PRSS36: variants seen among roughly 807,000 people sequenced by gnomAD.
PRSS36 encodes the protein serine protease 36.
In PRSS36, 90 loss-of-function variants were observed where a neutral mutation model predicts 94.3. The observed-to-expected ratio is 0.95, with a 90% confidence interval of 0.80 to 1.14. PRSS36 has a LOEUF of 1.14. PRSS36 is among the 50% of genes most tolerant of loss of function. PRSS36 has a pLI of 0.00. For missense variants in PRSS36, 1,158 were observed against 1,135.0 expected (o/e 1.02, Z -0.29); for synonymous variants, 500 against 489.6 (o/e 1.02, Z -0.28).
chr16:31,145,768 G>T lies in PRSS36; in HGVS notation c.720+21C>A, dbSNP rs747797547. 3.1e-6 allele frequency: 5 copies of T among 1,606,228 alleles called. No individual in the cohort carries two copies. In the African/African-American group the frequency reaches 6.7e-5, roughly 21 times the overall value. The stretch of plus-strand genomic sequence containing the variant: ...GTTAGGACTCTGGCCCTGCCAGGCA[G>T]GTGCCGGGGCCTTCCCTCACCTGGC... On this transcript the variant is annotated intron_variant, in intron 6 of 14. Coordinates refer to ENST00000268281, the MANE Select transcript of PRSS36 (RefSeq NM_173502.5).
chr16:31,145,391 A>AG lies in PRSS36; in HGVS notation c.720+397_720+398insC, dbSNP rs1260222942. Among the ~76,000 whole-genome samples the AG allele has an allele frequency of 6.9e-3, 1,036 of 150,060 alleles. 22 individuals are homozygous for AG. Among genetic ancestry groups the AG allele is most frequent in the African/African-American group, 0.024 (977 of 40,756 alleles). On this transcript the variant is annotated intron_variant, in intron 6 of 14. Coordinates refer to ENST00000268281, the MANE Select transcript of PRSS36 (RefSeq NM_173502.5). The stretch of plus-strand genomic sequence containing the variant: ...CCGTCTCAAAAAAAAAAAAAAAAAA[A>AG]AAGGAACTCCGTCTCAAAAAATAAA...
chr16:31,139,362 C>T lies in PRSS36; in HGVS notation c.2344G>A (p.Val782Met), dbSNP rs143567197. 88 of 1,614,124 alleles carry T rather than the reference C, an allele frequency of 5.5e-5. No homozygotes were observed. The highest frequency in any genetic ancestry group is 6.9e-5 in the Non-Finnish European group (82 of 1,180,010). The change falls in exon 15 of 15, where the codon GTG (valine) becomes ATG (methionine). Residue 782 changes from valine (V) to methionine (M), a missense_variant. Physicochemically the swap from Val to Met is conservative, Grantham distance 21. Coordinates refer to ENST00000268281, the MANE Select transcript of PRSS36 (RefSeq NM_173502.5). ...CQMTEGSWILVGMAVQGSREL... is the reference protein window; with the variant it reads ...CQMTEGSWILMGMAVQGSREL... ...CGGCTCCCTTGAACAGCCATGCCCA[C>T]GAGGATCCAGGACCCTTCCGTCATC...
chr16:31,140,944 A>G (rs1397109538), intron 12 of PRSS36, among the ~76,000 whole-genome samples, 187 bp from the exon 13 acceptor site: 1 of 152,068 alleles, frequency 6.6e-6, no homozygotes, highest in African/African-American at 2.4e-5. Context: ...GCCCCACCCC[A>G]GACAGAGTCT....
At chr16:31,149,953 GCCAGGA>G in intron 1 of PRSS36, 40 bp downstream of exon 1, 1 of 1,605,876 alleles carries the variant, frequency 6.2e-7, no homozygotes, top group East Asian at 2.2e-5. Context: ...CCCCCCAGAT[GCCAGGA>G]CCCAGGCCCT....
At position 31,142,563 on chromosome 16, in the gene PRSS36, C is replaced by T. The variant is rs960212716; in HGVS notation, c.1439G>A (p.Gly480Glu). The change falls in exon 10 of 15, where the codon GGG (glycine) becomes GAG (glutamate). Residue 480 changes from glycine (G) to glutamate (E), a missense_variant. Transcript: ENST00000268281. ...WWCHCLYGRQ[G>E]AAVPLPGDPP... is the part of the protein sequence containing the mutation. ...GTCTCCGGGCAGCGGTACTGCCGCC[C>T]CCTGGCGGCCGTACAGGCAGTGGCA... 5 of 1,526,296 alleles carry T rather than the reference C, an allele frequency of 3.3e-6. No homozygotes were observed. In the Admixed American group the frequency reaches 8.0e-5, roughly 24 times the overall value. The allele number at this position is 1,526,296 out of a possible 1,614,324, so 94.5% of individuals were successfully genotyped here.
chr16:31,141,772 A>G lies in PRSS36; in HGVS notation c.1710T>C (p.Asp570=). The change falls in exon 11 of 15, where the codon GAT becomes GAC. Residue 570 remains aspartate (D), a synonymous_variant. Transcript: ENST00000268281. ...EDQLAWDWGP[D]GEETETQTCP... ...AAGTCTGTGTCTCAGTCTCCTCCCC[A>G]TCAGGGCCCCAATCCCAGGCTAGCT... 6.2e-7 allele frequency: 1 copy of G among 1,614,076 alleles called. No homozygotes were observed. Among genetic ancestry groups the G allele is most frequent in the Non-Finnish European group, 8.5e-7 (1 of 1,179,994 alleles).
chr16:31,139,438 A>G, intron 14 of PRSS36, 22 bp from the exon 15 acceptor site: 1 of 1,603,342 alleles, frequency 6.2e-7, no homozygotes, highest in Non-Finnish European at 8.5e-7. Flanking sequence ...GAGCGAGGCC[A>G]CGTGGGTCTG....
Position 31,141,459 on chromosome 16 carries a change from T to C in PRSS36, c.1901+10A>G. ...TCCCGTCTCTCGCCTAGGAGACGAG[T>C]GAGACCCACCTGAGGACACAGTGAG... On this transcript the variant is annotated intron_variant, in intron 12 of 14. Transcript: ENST00000268281. The C allele has an allele frequency of 6.2e-7, 1 of 1,600,230 alleles. No individual in the cohort carries two copies. The highest frequency in any genetic ancestry group is 1.1e-5 in the South Asian group (1 of 90,520).
chr16:31,142,364 C>T, intron 10 of PRSS36, 117 bp downstream of exon 10: 1 of 1,211,832 alleles, frequency 8.3e-7, no homozygotes, highest in South Asian at 1.8e-5. Flanking sequence ...TCGGACCCGC[C>T]TTCCGCAGGC....
rs1406607861 is a variant in PRSS36, at chr16:31,149,479, T to G, written c.93A>C (p.Glu31Asp). The change falls in exon 3 of 15, where the codon GAA becomes GAC. Residue 31 changes from glutamate to aspartate, a missense_variant. Coordinates refer to ENST00000268281, the MANE Select transcript of PRSS36 (RefSeq NM_173502.5). ...FQDSALSPTQ[E>D]EPEDLDCGRP... ...CTTCCTTACCCAGATCTTCAGGTTC[T>G]TCCTGGGTAGGACTGAGAGCTGGGA... is the stretch of plus-strand genomic sequence containing the variant. 8.7e-6 allele frequency: 14 copies of G among 1,614,166 alleles called. No individual in the cohort carries two copies. Among genetic ancestry groups the G allele is most frequent in the Non-Finnish European group, 1.2e-5 (14 of 1,180,026 alleles).
At chr16:31,146,764 G>A (rs1023588387) in intron 5 of PRSS36, among the ~76,000 whole-genome samples, 1 of 152,150 alleles carries the variant, frequency 6.6e-6, no homozygotes, top group African/African-American at 2.4e-5. Flanking sequence ...TGGATCACCT[G>A]AGGTTAGGAG....
At position 31,142,560 on chromosome 16, in the gene PRSS36, GC is replaced by G; in HGVS notation, c.1441del (p.Ala481ArgfsTer73). The G allele has an allele frequency of 3.3e-6, 5 of 1,525,532 alleles. No homozygotes were observed. Among genetic ancestry groups the G allele is most frequent in the African/African-American group, 1.4e-5 (1 of 71,976 alleles). 94.5% of individuals were successfully genotyped at this position (1,525,532 alleles called of 1,614,324 possible). On this transcript the variant is annotated frameshift_variant, in exon 10 of 15. Transcript: ENST00000268281. LOFTEE classifies it high-confidence loss of function. Reference sequence around the variant, plus strand: ...CGGGTCTCCGGGCAGCGGTACTGCCGCCCCCTGGCGGCCGTACAGGCAGTGG... The same window carrying G: ...CGGGTCTCCGGGCAGCGGTACTGCCGCCCCTGGCGGCCGTACAGGCAGTGG... ...WCHCLYGRQG[A>X]AVPLPGDPPH...
chr16:31,139,559 G>A, intron 14 of PRSS36, 143 bp from the exon 15 acceptor site: 1 of 981,132 alleles, frequency 1.0e-6, no homozygotes, highest in Admixed American at 2.8e-5. Context: ...GTCCAGCTAG[G>A]GTCCCATTTG....
chr16:31,144,848 G>A (rs2057772680), intron 6 of PRSS36, among the ~76,000 whole-genome samples: 1 of 152,184 alleles, frequency 6.6e-6, no homozygotes, highest in African/African-American at 2.4e-5. Context: ...AGAACTTTGG[G>A]AGGCCGAGGC....
In PRSS36 at chr16:31,141,957, C is replaced by A; in HGVS notation, c.1525G>T (p.Asp509Tyr). Residue 509 changes from aspartate (D) to tyrosine (Y), a missense_variant, in exon 11 of 15, where the codon GAC becomes TAC. Coordinates refer to ENST00000268281, the MANE Select transcript of PRSS36 (RefSeq NM_173502.5). Reference sequence around the variant, plus strand: ...TGGCACAAAAGGCTCCAACGCGAGTCATTCTGCAGCAACAAAGTGTGTGTG... The same window carrying A: ...TGGCACAAAAGGCTCCAACGCGAGTAATTCTGCAGCAACAAAGTGTGTGTG... Reference protein sequence around the residue: ...EKEEVGSCWNDSRWSLLCQEE... With the variant: ...EKEEVGSCWNYSRWSLLCQEE... 1 of 1,613,920 alleles carries A rather than the reference C, an allele frequency of 6.2e-7. No homozygotes were observed. The highest frequency in any genetic ancestry group is 1.1e-5 in the South Asian group (1 of 91,054).
intron 10 of PRSS36, among the ~76,000 whole-genome samples, chr16:31,142,180 G>C (rs1267397583): frequency 6.6e-6 from 1 of 152,150 alleles, no homozygotes; most frequent in Admixed American, 6.5e-5. Context: ...CACCAGCTCA[G>C]AGCCCGCCTC....
chr16:31,141,169 G>A (rs1232293332), intron 12 of PRSS36, among the ~76,000 whole-genome samples: 9 of 152,026 alleles, frequency 5.9e-5, no homozygotes, highest in Admixed American at 4.6e-4. Context: ...TGATCTGCCC[G>A]CCTCGGCCTC....
At chr16:31,149,018 G>C (rs1183067033) in intron 4 of PRSS36, 55 bp downstream of exon 4, 6 of 1,497,712 alleles carry the variant, frequency 4.0e-6, no homozygotes, top group Non-Finnish European at 1.8e-6. Context: ...GACCAACTGC[G>C]GGGGCGGGGG....
rs774786694 is a variant in PRSS36, at chr16:31,148,614, C to A, written c.334G>T (p.Gly112Trp). The change falls in exon 5 of 15, where the codon GGG (glycine) becomes TGG (tryptophan). Residue 112 changes from glycine to tryptophan, a missense_variant. Physicochemically the swap from Gly to Trp is radical, Grantham distance 184. Coordinates refer to ENST00000268281, the MANE Select transcript of PRSS36 (RefSeq NM_173502.5). ...SVLLGVHSQD[G>W]PLDGAHTRAV... ...CGGGTGTGCGCGCCGTCCAGGGGCCCGTCCTGGGAGTGCACGCCCAGCAGT... is the reference window on the plus strand; with the variant it reads ...CGGGTGTGCGCGCCGTCCAGGGGCCAGTCCTGGGAGTGCACGCCCAGCAGT... The A allele has an allele frequency of 2.5e-6, 4 of 1,611,958 alleles. No homozygotes were observed. The East Asian group carries it at 8.9e-5, about 36-fold the overall frequency.
Sources: gnomAD v4.1 joint callset for allele counts (sites outside exome capture counted in the v4.1 genomes callset) on GRCh38, gnomAD v4.1.1 for gene constraint, MANE v1.5 for transcripts, NCBI Gene and HGNC (gene_info 2026-07-23, HGNC 2026-07-21) for gene names.